ATP11B: variants seen among roughly 807,000 people sequenced by gnomAD.
ATP11B encodes the protein phospholipid-transporting ATPase IF.
In ATP11B, 81 loss-of-function variants were observed where a neutral mutation model predicts 157.8. The ratio of observed to expected loss-of-function variants is 0.51; its 90% CI spans 0.43 to 0.62. ATP11B has a LOEUF of 0.62. Ranked by LOEUF, ATP11B falls within the 20% of genes least tolerant of loss-of-function variation. ATP11B has a pLI of 0.00. For synonymous variants in ATP11B, 451 were observed against 469.4 expected, an observed-to-expected ratio of 0.96 and a Z score of 0.51; for missense variants, 1,165 against 1,402.2, an observed-to-expected ratio of 0.83 and a Z score of 2.70.
chr3:182,807,460 A>G (rs916676528), intron 1 of ATP11B, among the ~76,000 whole-genome samples: 2 of 152,240 alleles, frequency 1.3e-5, no homozygotes, highest in Admixed American at 6.5e-5. Flanking sequence ...TACACATGTT[A>G]TATAGTGTAA....
In ATP11B at chr3:182,872,457, G is replaced by C. The variant is rs200479366; in HGVS notation, c.1968G>C (p.Gln656His). The C allele has an allele frequency of 4.4e-5, 71 of 1,614,040 alleles. No individual in the cohort carries two copies. The highest frequency in any genetic ancestry group is 8.5e-6 in the Non-Finnish European group (10 of 1,180,006). Residue 656 changes from glutamine to histidine, a missense_variant, in exon 18 of 30, where the codon CAG (glutamine) becomes CAC (histidine). Physicochemically the swap from Gln to His is conservative, Grantham distance 24. This residue lies in a region of ATP11B where 737 missense variants were observed against 930.5 expected (regional missense o/e 0.79). Transcript: ENST00000323116. ...TTGAAGCCAGGACTGCCTTGCAGCA[G>C]CGGGAAGAGAAATTGGCAGCTGTTT... ...RIFEARTALQ[Q>H]REEKLAAVFQ...
intron 22 of ATP11B, among the ~76,000 whole-genome samples, chr3:182,885,165 A>G (rs1423208814): frequency 2.6e-5 from 4 of 152,130 alleles, no homozygotes; most frequent in Non-Finnish European, 4.4e-5. Flanking sequence ...CACCAATATA[A>G]TGGTTTTAAG....
In ATP11B at chr3:182,893,139, G is replaced by A. The variant is rs190833532; in HGVS notation, c.2983-3561G>A. Reference sequence around the variant, plus strand: ...ACATTTGTCAAGAAGTCATAGATTAGTAATTCACTGAATATGTTGTTTGAG... The same window carrying A: ...ACATTTGTCAAGAAGTCATAGATTAATAATTCACTGAATATGTTGTTTGAG... On this transcript the variant is annotated intron_variant, in intron 25 of 29. Transcript: ENST00000323116. Among the ~76,000 whole-genome samples, 646 of 152,240 alleles carry A rather than the reference G, an allele frequency of 4.2e-3. 2 individuals are homozygous for A. Among genetic ancestry groups the A allele is most frequent in the Non-Finnish European group, 6.1e-3 (413 of 68,004 alleles).
At chr3:182,802,292 A>C (rs150572108) in intron 1 of ATP11B, among the ~76,000 whole-genome samples, 1 of 152,268 alleles carries the variant, frequency 6.6e-6, no homozygotes, top group African/African-American at 2.4e-5. Context: ...CTGTCCTTGC[A>C]GTCTGTTTTC....
intron 8 of ATP11B, among the ~76,000 whole-genome samples, chr3:182,842,459 C>T (rs1000313310): frequency 3.9e-5 from 6 of 152,112 alleles, no homozygotes; most frequent in African/African-American, 1.4e-4. Flanking sequence ...GTGGAGCTTC[C>T]GTGCTCTCCC....
At chr3:182,802,888 T>A (rs564708285) in intron 1 of ATP11B, among the ~76,000 whole-genome samples, 1 of 152,200 alleles carries the variant, frequency 6.6e-6, no homozygotes, top group Non-Finnish European at 1.5e-5. Flanking sequence ...CATGTATTGA[T>A]GAATTGAGTC....
At chr3:182,888,214 A>G (rs1722928695) in intron 24 of ATP11B, among the ~76,000 whole-genome samples, 1 of 152,224 alleles carries the variant, frequency 6.6e-6, no homozygotes, top group Non-Finnish European at 1.5e-5. Flanking sequence ...GGTATTCACC[A>G]TAAGCTCTTA....
intron 17 of ATP11B, among the ~76,000 whole-genome samples, chr3:182,871,169 A>C (rs1721631665): frequency 6.6e-6 from 1 of 151,690 alleles, no homozygotes; most frequent in African/African-American, 2.4e-5. Flanking sequence ...GTGGTGGCAC[A>C]TGTCTGTAGA....
At position 182,793,661 on chromosome 3, in the gene ATP11B, C is replaced by T; in HGVS notation, c.-99C>T. On this transcript the variant is annotated 5_prime_UTR_variant, in exon 1 of 30. Coordinates refer to ENST00000323116, the MANE Select transcript of ATP11B (RefSeq NM_014616.3). Reference sequence around the variant, plus strand: ...GCGGCGGCGGTAAGCGGAACTTCGGCCCGAGGGGCTCGCCCGCTCCCGCCT... The same window carrying T: ...GCGGCGGCGGTAAGCGGAACTTCGGTCCGAGGGGCTCGCCCGCTCCCGCCT... 1.3e-6 allele frequency: 1 copy of T among 748,538 alleles called. No homozygotes were observed. The highest frequency in any genetic ancestry group is 1.8e-5 in the African/African-American group (1 of 54,756). The allele number at this position is 748,538 out of a possible 1,614,324, so 46.4% of individuals were successfully genotyped here.
At chr3:182,872,260 T>G (rs2108549665) in intron 17 of ATP11B, 96 bp from the exon 18 acceptor site, 1 of 807,056 alleles carries the variant, frequency 1.2e-6, no homozygotes, top group South Asian at 2.0e-5. Flanking sequence ...TGACTTTTGG[T>G]ACTAGGTCTT....
Position 182,893,340 on chromosome 3 carries a change from C to G in ATP11B, c.2983-3360C>G, listed in dbSNP as rs115086071. ...ATGTGTAGTCTTTTATTCCTCACCC[C>G]CTCCCACCCTTTTCCCTGAGCCCCA... On this transcript the variant is annotated intron_variant, in intron 25 of 29. Coordinates refer to ENST00000323116, the MANE Select transcript of ATP11B (RefSeq NM_014616.3). Among the ~76,000 whole-genome samples the G allele has an allele frequency of 2.2e-3, 340 of 152,092 alleles. 6 individuals are homozygous for G. Among genetic ancestry groups the G allele is most frequent in the Non-Finnish European group, 3.0e-3 (202 of 67,992 alleles).
intron 1 of ATP11B, among the ~76,000 whole-genome samples, chr3:182,800,959 C>G (rs1196240083): frequency 6.6e-6 from 1 of 150,658 alleles, no homozygotes; most frequent in African/African-American, 2.4e-5. Flanking sequence ...CCCACCATGC[C>G]CAACGGATTT....
intron 1 of ATP11B, among the ~76,000 whole-genome samples, chr3:182,809,667 C>T (rs1716535346): frequency 6.6e-6 from 1 of 152,174 alleles, no homozygotes; most frequent in Non-Finnish European, 1.5e-5. Flanking sequence ...CAAGTATATC[C>T]AGTTGCTTTC....
chr3:182,795,012 G>A (rs1014822307), intron 1 of ATP11B, among the ~76,000 whole-genome samples: 1 of 149,584 alleles, frequency 6.7e-6, no homozygotes, highest in African/African-American at 2.5e-5. Context: ...CTGTTACTTC[G>A]TTTTGCAGCG....
Position 182,920,124 on chromosome 3 carries a change from C to A in ATP11B, c.*2020C>A, listed in dbSNP as rs1234378862. 1 of 152,172 alleles carries A rather than the reference C, an allele frequency of 6.6e-6. No individual in the cohort carries two copies. The highest frequency in any genetic ancestry group is 1.5e-5 in the Non-Finnish European group (1 of 68,024). 9.4% of individuals were successfully genotyped at this position (152,172 alleles called of 1,614,324 possible). A position where few individuals can be genotyped will look rare whatever the true frequency, so the allele number is the denominator to read the frequency against. On this transcript the variant is annotated 3_prime_UTR_variant, in exon 30 of 30. Transcript: ENST00000323116. ...AAATAAACTGAGTACTGACACCAGA[C>A]AAAGACTCCAAAGTCATAAAATAGC...
intron 2 of ATP11B, among the ~76,000 whole-genome samples, chr3:182,823,884 G>C (rs149943661): frequency 1.3e-5 from 2 of 151,782 alleles, no homozygotes; most frequent in Admixed American, 1.3e-4. Context: ...TCAGTTTTAA[G>C]TGTGCAGTTT....
At chr3:182,842,812 T>G (rs976643737) in intron 8 of ATP11B, among the ~76,000 whole-genome samples, 5 of 152,190 alleles carry the variant, frequency 3.3e-5, no homozygotes, top group African/African-American at 1.2e-4. Context: ...ATCCCCTAGT[T>G]TTCAAACACA....
At chr3:182,917,670 T>A (rs1253863451) in intron 29 of ATP11B, 1 of 985,288 alleles carries the variant, frequency 1.0e-6, no homozygotes, top group African/African-American at 1.7e-5. Flanking sequence ...TTTTGTAAAC[T>A]GAACTTTTCA....
intron 4 of ATP11B, among the ~76,000 whole-genome samples, chr3:182,832,345 A>G (rs1718215040): frequency 1.3e-5 from 2 of 152,200 alleles, no homozygotes; most frequent in Non-Finnish European, 2.9e-5. Context: ...TCAAAGAGAA[A>G]ATTTGAACCA....
Sources: allele counts gnomAD v4.1 joint callset (sites outside exome capture counted in the v4.1 genomes callset), GRCh38; gene constraint gnomAD v4.1.1; regional missense constraint gnomAD v4.1.1; transcripts MANE v1.5; gene names NCBI Gene and HGNC (gene_info 2026-07-23, HGNC 2026-07-21).